Variants in ARNT2 observed in about 807,000 individuals in gnomAD.
The protein encoded by ARNT2 is aryl hydrocarbon receptor nuclear translocator 2, also known as ARNT protein 2.
Under a neutral mutation model 91.7 loss-of-function variants are expected in ARNT2, and 36 were observed. The observed-to-expected ratio is 0.39, with a 90% confidence interval of 0.30 to 0.52. The LOEUF is 0.52. Ranked by LOEUF, ARNT2 falls within the 20% of genes least tolerant of loss-of-function variation. ARNT2 has a pLI of 0.72. For synonymous variants in ARNT2, 365 were observed against 347.1 expected, an observed-to-expected ratio of 1.05 and a Z score of -0.57; for missense variants, 775 against 939.3, an observed-to-expected ratio of 0.83 and a Z score of 2.29.
chr15:80,573,887 TATC>T (rs1898624039), intron 12 of ARNT2, among the ~76,000 whole-genome samples: 1 of 152,252 alleles, frequency 6.6e-6, no homozygotes, highest in African/African-American at 2.4e-5. Flanking sequence ...TGTTCTGCGG[TATC>T]TTTTGACCCT....
intron 1 of ARNT2, chr15:80,442,816 A>C: frequency 1.0e-6 from 1 of 984,492 alleles, no homozygotes; most frequent in Non-Finnish European, 1.2e-6. Context: ...CTGTCTCTAA[A>C]ATTTTTTTTG....
chr15:80,552,914 G>A (rs1898109005), intron 10 of ARNT2, 140 bp downstream of exon 10: 4 of 1,046,724 alleles, frequency 3.8e-6, no homozygotes, highest in South Asian at 4.1e-5. Flanking sequence ...TAGATAGAAC[G>A]ATAGATATCC....
intron 1 of ARNT2, among the ~76,000 whole-genome samples, chr15:80,433,188 G>T (rs1896033933): frequency 9.3e-6 from 1 of 107,404 alleles, no homozygotes; most frequent in Non-Finnish European, 2.0e-5. Flanking sequence ...TAAACAGCGG[G>T]TATGCCCACA....
intron 8 of ARNT2, among the ~76,000 whole-genome samples, chr15:80,541,692 CT>C (rs1379379454): frequency 6.6e-6 from 1 of 152,148 alleles, no homozygotes; most frequent in Non-Finnish European, 1.5e-5. Flanking sequence ...GTAAAACCCA[CT>C]TTTAAAGGTC....
At chr15:80,529,808 C>A (rs1897706087) in intron 8 of ARNT2, among the ~76,000 whole-genome samples, 1 of 152,166 alleles carries the variant, frequency 6.6e-6, no homozygotes, top group Non-Finnish European at 1.5e-5. Context: ...TTTCCTTATC[C>A]TTTGCTCCAA....
chr15:80,469,854 A>G (rs1019036772), intron 3 of ARNT2, among the ~76,000 whole-genome samples: 2 of 152,194 alleles, frequency 1.3e-5, no homozygotes, highest in African/African-American at 4.8e-5. Context: ...GCTTTAAGTA[A>G]TCTGCACACC....
At position 80,514,438 on chromosome 15, in the gene ARNT2, C is replaced by G. The variant is rs766509017; in HGVS notation, c.877+33C>G. On this transcript the variant is annotated intron_variant, in intron 8 of 18. Coordinates refer to ENST00000303329, the MANE Select transcript of ARNT2 (RefSeq NM_014862.4). ...GACCTGCATGTAAATTCCACGGGAA[C>G]TGGGTGCTGCTCATACCTGACCATG... 1.3e-4 allele frequency: 210 copies of G among 1,587,842 alleles called. No homozygotes were observed. The Admixed American group carries it at 3.5e-3, about 26-fold the overall frequency.
At chr15:80,428,023 G>A (rs533170418) in intron 1 of ARNT2, among the ~76,000 whole-genome samples, 1 of 152,214 alleles carries the variant, frequency 6.6e-6, no homozygotes, top group Non-Finnish European at 1.5e-5. Flanking sequence ...ATAATGAGGA[G>A]GGGAGATCTC....
At chr15:80,590,407 T>C (rs188059182) in intron 17 of ARNT2, among the ~76,000 whole-genome samples, 3 of 152,324 alleles carry the variant, frequency 2.0e-5, no homozygotes, top group East Asian at 1.9e-4. Flanking sequence ...TTCCACTTAC[T>C]GGATCCTCTT....
At chr15:80,433,233 A>ATTTATTTTATTTTAT (rs1321371343) in intron 1 of ARNT2, among the ~76,000 whole-genome samples, 1,046 of 95,448 alleles carry the variant, frequency 0.011, 37 homozygotes, top group African/African-American at 0.034. Context: ...ACTATATTTT[A>ATTTATTTTATTTTAT]TTTATTTTAT....
chr15:80,474,976 G>A, intron 4 of ARNT2, 34 bp from the exon 5 acceptor site: 2 of 1,605,054 alleles, frequency 1.2e-6, no homozygotes, highest in Non-Finnish European at 1.7e-6. Flanking sequence ...GGGTCTGTCA[G>A]TGTATTGTGC....
chr15:80,413,252 C>A (rs189779423), intron 1 of ARNT2, among the ~76,000 whole-genome samples: 1 of 152,188 alleles, frequency 6.6e-6, no homozygotes, highest in African/African-American at 2.4e-5. Context: ...TGTTCTCCCT[C>A]CACCCCCTCC....
At chr15:80,581,146 A>G in intron 16 of ARNT2, 93 bp from the exon 17 acceptor site, 1 of 1,465,004 alleles carries the variant, frequency 6.8e-7, no homozygotes, top group Non-Finnish European at 9.4e-7. Context: ...AACCCAGAGC[A>G]GGCACTGCCC....
In ARNT2 at chr15:80,579,032, G is replaced by A. The variant is rs1898739804; in HGVS notation, c.1614-1379G>A. Among the ~76,000 whole-genome samples, 2 of 152,216 alleles carry A rather than the reference G, an allele frequency of 1.3e-5. 1 individual carries two copies. The highest frequency in any genetic ancestry group is 1.3e-4 in the Admixed American group (2 of 15,286). ...GTCCCGCCAGTTTTGGCCCCTGCCT[G>A]TCCACACTAAGGCAGGCAGCTGTAG... On this transcript the variant is annotated intron_variant, in intron 15 of 18. Transcript: ENST00000303329.
intron 13 of ARNT2, among the ~76,000 whole-genome samples, chr15:80,574,764 G>C (rs965982474): frequency 3.9e-5 from 6 of 152,154 alleles, no homozygotes; most frequent in African/African-American, 1.4e-4. Flanking sequence ...TGACTCTGCT[G>C]TCCTTCCTCT....
intron 11 of ARNT2, chr15:80,560,060 C>T (rs1470709781): frequency 6.6e-6 from 1 of 152,392 alleles, no homozygotes; most frequent in Non-Finnish European, 1.5e-5. Context: ...ACCCACCTTC[C>T]AACTGTGTTC....
chr15:80,447,638 G>C (rs1229849218), intron 1 of ARNT2, among the ~76,000 whole-genome samples: 2 of 152,198 alleles, frequency 1.3e-5, no homozygotes, highest in Non-Finnish European at 2.9e-5. Flanking sequence ...ACAGAGAAAA[G>C]ATGCCAGATT....
intron 1 of ARNT2, among the ~76,000 whole-genome samples, chr15:80,415,556 G>A (rs533570032): frequency 6.6e-6 from 1 of 152,304 alleles, no homozygotes; most frequent in Admixed American, 6.5e-5. Context: ...GCGGAATGAA[G>A]GACATTCTTA....
Position 80,576,927 on chromosome 15 carries a change from A to G in ARNT2, c.1575A>G (p.Gly525=). Reference sequence around the variant, plus strand: ...GAACCCAGCAGATCTACTCCCAAGGAAGCCCATTTCCCTCTGGACACTCCG... The same window carrying G: ...GAACCCAGCAGATCTACTCCCAAGGGAGCCCATTTCCCTCTGGACACTCCG... The part of the protein sequence containing the change: ...AAGTQQIYSQ[G]SPFPSGHSGK... The change falls in exon 15 of 19, where the codon GGA becomes GGG. Residue 525 remains glycine (G), a synonymous_variant. Coordinates refer to ENST00000303329, the MANE Select transcript of ARNT2 (RefSeq NM_014862.4). The G allele has an allele frequency of 6.2e-7, 1 of 1,614,132 alleles. No individual in the cohort carries two copies. The highest frequency in any genetic ancestry group is 8.5e-7 in the Non-Finnish European group (1 of 1,180,044).
Sources: gnomAD v4.1 joint callset for allele counts (sites outside exome capture counted in the v4.1 genomes callset) on GRCh38, gnomAD v4.1.1 for gene constraint, MANE v1.5 for transcripts, NCBI Gene and HGNC (gene_info 2026-07-23, HGNC 2026-07-21) for gene names.